EEIG2: variants seen among roughly 807,000 people sequenced by gnomAD.
The protein encoded by EEIG2 is family with sequence similarity 102 member B.
the EEIG2 span, chr1:108,612,170 T>G: frequency 6.3e-7 from 1 of 1,595,250 alleles, no homozygotes; most frequent in East Asian, 2.2e-5. Flanking sequence ...TTCTCTTTCT[T>G]TTCATAGCTG....
At chr1:108,606,294 T>C in the EEIG2 span, 59 of 1,389,394 alleles carry the variant, frequency 4.2e-5, no homozygotes, top group East Asian at 7.7e-4. Context: ...CATGTAATGT[T>C]GCTTATTGCT....
At chr1:108,624,237 G>A in the EEIG2 span, among the ~76,000 whole-genome samples, 3 of 152,074 alleles carry the variant, frequency 2.0e-5, no homozygotes, top group Non-Finnish European at 4.4e-5. Flanking sequence ...AGGGAGCACA[G>A]TCTCTGAAGC....
chr1:108,613,798 A>G, the EEIG2 span, among the ~76,000 whole-genome samples: 1 of 151,870 alleles, frequency 6.6e-6, no homozygotes, highest in East Asian at 1.9e-4. Context: ...TGTGCAGACG[A>G]GCTAGCCTTG....
the EEIG2 span, among the ~76,000 whole-genome samples, chr1:108,572,674 G>A: frequency 6.6e-6 from 1 of 152,016 alleles, no homozygotes; most frequent in Non-Finnish European, 1.5e-5. Context: ...GGAGTGCAAT[G>A]GTGCGATCTC....
the EEIG2 span, among the ~76,000 whole-genome samples, chr1:108,588,533 T>C: frequency 6.6e-6 from 1 of 152,158 alleles, no homozygotes; most frequent in African/African-American, 2.4e-5. Context: ...CAATTTGTAA[T>C]TGTATAAGTT....
At chr1:108,631,650 TATC>T in the EEIG2 span, among the ~76,000 whole-genome samples, 1 of 152,194 alleles carries the variant, frequency 6.6e-6, no homozygotes, top group Non-Finnish European at 1.5e-5. Context: ...TATATAATTA[TATC>T]ATAATAAACA....
At chr1:108,605,371 T>C in the EEIG2 span, among the ~76,000 whole-genome samples, 3 of 152,150 alleles carry the variant, frequency 2.0e-5, no homozygotes, top group Non-Finnish European at 4.4e-5. Flanking sequence ...ACAGCAAATA[T>C]TCATGAATGA....
At chr1:108,610,739 G>C in the EEIG2 span, among the ~76,000 whole-genome samples, 3 of 152,122 alleles carry the variant, frequency 2.0e-5, no homozygotes, top group African/African-American at 7.2e-5. Flanking sequence ...GACCATCCTG[G>C]CCAACACGGT....
chr1:108,562,835 C>A, the EEIG2 span, among the ~76,000 whole-genome samples: 1 of 151,464 alleles, frequency 6.6e-6, no homozygotes, highest in Non-Finnish European at 1.5e-5. Context: ...GAGAAAGAGA[C>A]CTCATTTTAC....
chr1:108,633,999 C>T, the EEIG2 span, among the ~76,000 whole-genome samples: 1 of 152,174 alleles, frequency 6.6e-6, no homozygotes, highest in Non-Finnish European at 1.5e-5. Flanking sequence ...GTCGGGCTCT[C>T]TTCATTTATT....
the EEIG2 span, chr1:108,628,088 T>TACTACTCTG: frequency 8.1e-7 from 1 of 1,240,914 alleles, no homozygotes; most frequent in Admixed American, 1.8e-5. Context: ...GCAGAGTTTA[T>TACTACTCTG]AAAGTCTGCA....
chr1:108,566,479 A>G, the EEIG2 span, among the ~76,000 whole-genome samples: 2 of 152,198 alleles, frequency 1.3e-5, no homozygotes, highest in Non-Finnish European at 2.9e-5. Flanking sequence ...CTGTCTGACC[A>G]TATGGCACAG....
the EEIG2 span, chr1:108,625,929 C>T: frequency 6.6e-6 from 1 of 152,254 alleles, no homozygotes; most frequent in African/African-American, 2.4e-5. Context: ...TTCCTAAACA[C>T]ATTAGCAGTC....
At chr1:108,578,382 T>G in the EEIG2 span, among the ~76,000 whole-genome samples, 1 of 120,510 alleles carries the variant, frequency 8.3e-6, no homozygotes, top group African/African-American at 3.3e-5. Context: ...TGTGCCAGTT[T>G]TCAAAGGGAA....
At chr1:108,570,611 A>T in the EEIG2 span, among the ~76,000 whole-genome samples, 10 of 152,224 alleles carry the variant, frequency 6.6e-5, no homozygotes, top group African/African-American at 2.4e-4. Context: ...GAAATTTAAA[A>T]ACATGAATTT....
the EEIG2 span, among the ~76,000 whole-genome samples, chr1:108,612,905 A>G: frequency 6.6e-6 from 1 of 152,366 alleles, no homozygotes; most frequent in Admixed American, 6.5e-5. Context: ...CATGATGGTA[A>G]GTTATCTAAT....
chr1:108,572,574 A>G, the EEIG2 span, among the ~76,000 whole-genome samples: 4 of 151,982 alleles, frequency 2.6e-5, no homozygotes, highest in Non-Finnish European at 5.9e-5. Flanking sequence ...CCACCTTTTC[A>G]TTCGTCTTTC....
the EEIG2 span, among the ~76,000 whole-genome samples, chr1:108,575,260 A>G: frequency 2.6e-5 from 4 of 152,246 alleles, no homozygotes; most frequent in Middle Eastern, 3.4e-3. Context: ...CTATCATCCC[A>G]TTTTTGCCCT....
At chr1:108,610,639 G>A in the EEIG2 span, among the ~76,000 whole-genome samples, 16 of 152,046 alleles carry the variant, frequency 1.1e-4, no homozygotes, top group African/African-American at 3.9e-4. Context: ...TCTAAGAGAG[G>A]CAATAAGACA....
Sources: allele counts gnomAD v4.1 joint callset (sites outside exome capture counted in the v4.1 genomes callset), GRCh38; gene constraint gnomAD v4.1.1; transcripts MANE v1.5; gene names NCBI Gene and HGNC (gene_info 2026-07-23, HGNC 2026-07-21).